Variants in AFF3 observed in about 807,000 individuals in gnomAD.
The protein encoded by AFF3 is ALF transcription elongation factor 3, also known as AF4/FMR2 family member 3.
In AFF3, 32 loss-of-function variants were observed where a neutral mutation model predicts 129.7. That is an observed-to-expected ratio of 0.25 (90% CI 0.19 to 0.33). AFF3 has a LOEUF of 0.33. Ranked by LOEUF, AFF3 falls within the 10% of genes least tolerant of loss-of-function variation. The pLI is 1.00. For synonymous variants in AFF3, 644 were observed against 635.4 expected, an observed-to-expected ratio of 1.01 and a Z score of -0.20; for missense variants, 1,373 against 1,592.0, an observed-to-expected ratio of 0.86 and a Z score of 2.34.
At chr2:99,559,165 G>A (rs554553045) in intron 21 of AFF3, among the ~76,000 whole-genome samples, 197 bp from the exon 22 acceptor site, 3 of 152,314 alleles carry the variant, frequency 2.0e-5, no homozygotes, top group East Asian at 1.9e-4. Context: ...TTCCAAGAAG[G>A]TATTCCATAA....
At chr2:99,777,353 C>T (rs1419613116) in intron 8 of AFF3, among the ~76,000 whole-genome samples, 3 of 152,114 alleles carry the variant, frequency 2.0e-5, no homozygotes, top group Non-Finnish European at 2.9e-5. Flanking sequence ...TGACTCCAGG[C>T]CCTTCCTGCT....
At chr2:100,001,007 CT>C (rs1330135888) in intron 7 of AFF3, among the ~76,000 whole-genome samples, 1 of 152,232 alleles carries the variant, frequency 6.6e-6, no homozygotes, top group Non-Finnish European at 1.5e-5. Flanking sequence ...TTTCAACCAA[CT>C]CCAAACACAG....
chr2:100,067,856 T>C (rs1687852509), intron 4 of AFF3, among the ~76,000 whole-genome samples: 1 of 152,104 alleles, frequency 6.6e-6, no homozygotes, highest in African/African-American at 2.4e-5. Flanking sequence ...GCTAACTAAA[T>C]AATGGCCCAG....
At chr2:99,783,139 T>C (rs1043178010) in intron 8 of AFF3, among the ~76,000 whole-genome samples, 1 of 152,300 alleles carries the variant, frequency 6.6e-6, no homozygotes, top group Non-Finnish European at 1.5e-5. Flanking sequence ...GAGAAGTAAA[T>C]GAGAAAGCTT....
At chr2:99,581,227 C>T (rs13006709) in intron 17 of AFF3, among the ~76,000 whole-genome samples, 13 of 152,316 alleles carry the variant, frequency 8.5e-5, no homozygotes, top group Non-Finnish European at 1.5e-4. Context: ...TAGTTCTCTG[C>T]GTATCATAGT....
chr2:100,054,112 A>AGT (rs985187546), intron 4 of AFF3, among the ~76,000 whole-genome samples: 1 of 152,204 alleles, frequency 6.6e-6, no homozygotes, highest in Non-Finnish European at 1.5e-5. Context: ...CCTGCTGAAC[A>AGT]GTGTGGCAGG....
chr2:99,665,621 C>T (rs762700942), intron 12 of AFF3, among the ~76,000 whole-genome samples: 3 of 152,110 alleles, frequency 2.0e-5, no homozygotes, highest in Non-Finnish European at 2.9e-5. Flanking sequence ...AGTAGGTTTG[C>T]GGTTCAGAAG....
chr2:99,746,696 C>G (rs1681186693), intron 9 of AFF3, among the ~76,000 whole-genome samples: 2 of 152,162 alleles, frequency 1.3e-5, no homozygotes, highest in African/African-American at 4.8e-5. Flanking sequence ...TAGATGCTGT[C>G]ACTAAGAAGA....
intron 14 of AFF3, among the ~76,000 whole-genome samples, chr2:99,598,443 G>A (rs940262596): frequency 2.6e-5 from 4 of 152,138 alleles, no homozygotes; most frequent in African/African-American, 9.7e-5. Context: ...CACAGAGAGG[G>A]CCCCTCCATG....
At chr2:99,677,294 T>C (rs1320234721) in intron 11 of AFF3, among the ~76,000 whole-genome samples, 4 of 151,584 alleles carry the variant, frequency 2.6e-5, no homozygotes, top group Non-Finnish European at 4.4e-5. Flanking sequence ...ATTGAACTTT[T>C]TGAATTGAGA....
At chr2:99,664,452 G>C (rs1034788475) in intron 12 of AFF3, among the ~76,000 whole-genome samples, 4 of 152,330 alleles carry the variant, frequency 2.6e-5, no homozygotes, top group East Asian at 3.9e-4. Context: ...ATGAAAACTT[G>C]TAGTTTCAAT....
rs547450082 is a variant in AFF3 at position 99,957,413 on chromosome 2, C to A, written c.873+49219G>T. 2.8e-3 allele frequency among the ~76,000 whole-genome samples: 427 copies of A among 152,254 alleles called. 1 individual carries two copies. The highest frequency in any genetic ancestry group is 5.0e-3 in the Non-Finnish European group (337 of 68,026). On this transcript the variant is annotated intron_variant, in intron 7 of 24. Coordinates refer to ENST00000672756, the MANE Select transcript of AFF3 (RefSeq NM_001386135.1). ...GATATTTCACTTAAATGAACCTCCA[C>A]AGCCTGTCAAATTAGAAAATTCATT...
chr2:99,845,222 T>A (rs1689638178), intron 7 of AFF3, among the ~76,000 whole-genome samples: 1 of 152,230 alleles, frequency 6.6e-6, no homozygotes, highest in Non-Finnish European at 1.5e-5. Context: ...AGAGTAAGTA[T>A]CAGTCTTCTA....
chr2:100,133,038 T>C (rs1692488323), intron 1 of AFF3, among the ~76,000 whole-genome samples: 1 of 151,722 alleles, frequency 6.6e-6, no homozygotes, highest in African/African-American at 2.4e-5. Flanking sequence ...AAGTGATCCT[T>C]CCACCTCAGC....
intron 7 of AFF3, among the ~76,000 whole-genome samples, chr2:99,994,111 T>TA (rs1228405730): frequency 6.7e-6 from 1 of 149,254 alleles, no homozygotes; most frequent in Non-Finnish European, 1.5e-5. Context: ...CAGCCAAACT[T>TA]AATCTTTTTT....
intron 13 of AFF3, among the ~76,000 whole-genome samples, chr2:99,626,626 C>T (rs55989048): frequency 0.46 from 67,828 of 148,726 alleles, 15,585 homozygotes; most frequent in African/African-American, 0.52. Context: ...GTTTGTTATA[C>T]AGGTAAACTT....
chr2:99,731,256 C>T (rs1324498603), intron 10 of AFF3, among the ~76,000 whole-genome samples: 1 of 152,124 alleles, frequency 6.6e-6, no homozygotes, highest in Non-Finnish European at 1.5e-5. Flanking sequence ...CCGTGCCCAG[C>T]CAATGCGTTT....
intron 11 of AFF3, among the ~76,000 whole-genome samples, chr2:99,687,003 T>G (rs1198155018): frequency 1.3e-5 from 2 of 152,230 alleles, no homozygotes; most frequent in African/African-American, 2.4e-5. Flanking sequence ...CAATGATGAA[T>G]AAGAAATGGT....
At chr2:100,063,164 T>C (rs552026172) in intron 4 of AFF3, among the ~76,000 whole-genome samples, 1 of 146,708 alleles carries the variant, frequency 6.8e-6, no homozygotes, top group East Asian at 2.0e-4. Flanking sequence ...GGCAGGAGAA[T>C]CACTTGAACC....
Sources: gnomAD v4.1 joint callset for allele counts (sites outside exome capture counted in the v4.1 genomes callset) on GRCh38, gnomAD v4.1.1 for gene constraint, MANE v1.5 for transcripts, NCBI Gene and HGNC (gene_info 2026-07-23, HGNC 2026-07-21) for gene names.